The following SLC39A11 variants were observed in gnomAD, a reference collection of about 807,000 sequenced individuals.
SLC39A11 encodes zinc transporter ZIP11.
In SLC39A11, 33 loss-of-function variants were observed where a neutral mutation model predicts 36.1. The ratio of observed to expected loss-of-function variants is 0.91; its 90% CI spans 0.69 to 1.22. SLC39A11 has a LOEUF of 1.22. Ranked by LOEUF, SLC39A11 falls within the 50% of genes most tolerant of loss-of-function variation. SLC39A11 has a pLI of 0.00. For synonymous variants in SLC39A11, 166 were observed against 170.3 expected (o/e 0.97, Z 0.20); for missense variants, 432 against 430.3 (o/e 1.00, Z -0.03).
intron 3 of SLC39A11, among the ~76,000 whole-genome samples, chr17:73,032,195 C>T (rs1287406939): frequency 2.0e-5 from 3 of 150,442 alleles, no homozygotes; most frequent in Non-Finnish European, 4.4e-5. Flanking sequence ...AATGCTGTTG[C>T]GAATTCCTAT....
chr17:72,787,599 G>A (rs1011180392), intron 6 of SLC39A11, among the ~76,000 whole-genome samples: 1 of 152,062 alleles, frequency 6.6e-6, no homozygotes, highest in African/African-American at 2.4e-5. Context: ...AAATTACTGG[G>A]GTTCTACAGT....
At chr17:72,985,360 G>A (rs2088644752) in intron 4 of SLC39A11, among the ~76,000 whole-genome samples, 1 of 146,886 alleles carries the variant, frequency 6.8e-6, no homozygotes. Context: ...TTACCCACTT[G>A]TGACATTCAT....
rs1567955388 is a variant in SLC39A11 at position 72,920,658 on chromosome 17, A to AAT, written c.430+27093_430+27094insAT. Among the ~76,000 whole-genome samples the AAT allele has an allele frequency of 7.6e-4, 86 of 112,478 alleles. 3 individuals carry two copies. The highest frequency in any genetic ancestry group is 3.1e-3 in the African/African-American group (85 of 27,358). 73.8% of individuals were successfully genotyped at this position (112,478 alleles called of 152,430 possible). A position where few individuals can be genotyped will look rare whatever the true frequency, so the allele number is the denominator to read the frequency against. ...CCTCCTACCCCCTTACACCATGTAC[A>AAT]CCCTATACACAAACACACTTCTCAC... On this transcript the variant is annotated intron_variant, in intron 5 of 9. Coordinates refer to ENST00000255559, the MANE Select transcript of SLC39A11 (RefSeq NM_139177.4).
chr17:72,900,153 AAAAG>A (rs201428795), intron 5 of SLC39A11, among the ~76,000 whole-genome samples: 5,701 of 60,512 alleles, frequency 0.094, 307 homozygotes, highest in Non-Finnish European at 0.12. Flanking sequence ...AGAAAGAAAG[AAAAG>A]AAAGAAAGAA....
intron 6 of SLC39A11, among the ~76,000 whole-genome samples, chr17:72,790,242 G>A (rs1055488249): frequency 2.6e-5 from 4 of 152,130 alleles, no homozygotes; most frequent in African/African-American, 9.7e-5. Context: ...AGGCTGGGGG[G>A]TCATCCCAGG....
intron 4 of SLC39A11, among the ~76,000 whole-genome samples, chr17:73,026,532 AAAG>A (rs1177958666): frequency 7.1e-4 from 105 of 147,560 alleles, no homozygotes; most frequent in African/African-American, 2.5e-3. Context: ...AAAAAAAAAA[AAAG>A]AAAGAAAGAA....
chr17:72,736,027 G>C (rs1237779187), intron 7 of SLC39A11, among the ~76,000 whole-genome samples: 1 of 152,190 alleles, frequency 6.6e-6, no homozygotes, highest in Non-Finnish European at 1.5e-5. Flanking sequence ...AGCAGATGGA[G>C]AAATATAGGA....
intron 4 of SLC39A11, among the ~76,000 whole-genome samples, chr17:72,998,287 C>CTGT (rs57728841): frequency 3.9e-5 from 6 of 152,038 alleles, no homozygotes; most frequent in African/African-American, 7.3e-5. Flanking sequence ...GACCACTGTA[C>CTGT]TGTTCCTTTG....
chr17:73,038,721 A>C (rs931054040), intron 3 of SLC39A11, among the ~76,000 whole-genome samples: 2 of 136,174 alleles, frequency 1.5e-5, no homozygotes, highest in Non-Finnish European at 3.1e-5. Flanking sequence ...GAAAAAGAGA[A>C]AGAGAGAGAG....
intron 3 of SLC39A11, among the ~76,000 whole-genome samples, chr17:73,055,628 G>A (rs985125654): frequency 6.6e-5 from 10 of 151,838 alleles, no homozygotes; most frequent in Admixed American, 2.0e-4. Context: ...AGGGAAGGCG[G>A]GTAGGGGGCG....
intron 3 of SLC39A11, among the ~76,000 whole-genome samples, chr17:73,059,669 A>G (rs1175432484): frequency 1.4e-5 from 2 of 140,676 alleles, no homozygotes; most frequent in Non-Finnish European, 3.1e-5. Flanking sequence ...AAAAAAAAAA[A>G]CTGGAAATAA....
intron 6 of SLC39A11, among the ~76,000 whole-genome samples, chr17:72,822,450 TG>T (rs1240500904): frequency 6.6e-6 from 1 of 150,878 alleles, no homozygotes; most frequent in Admixed American, 6.6e-5. Flanking sequence ...AGACTCCATT[TG>T]TACTTTTGCT....
In SLC39A11 at chr17:73,008,435, C is replaced by T. The variant is rs141932683; in HGVS notation, c.306+23121G>A. 9.1e-4 allele frequency among the ~76,000 whole-genome samples: 139 copies of T among 152,294 alleles called. 1 individual carries two copies. Among genetic ancestry groups the T allele is most frequent in the African/African-American group, 3.2e-3 (133 of 41,558 alleles). On this transcript the variant is annotated intron_variant, in intron 4 of 9. Transcript: ENST00000255559. The stretch of plus-strand genomic sequence containing the variant: ...ACCAGGCCGCTCCCTCTGCCCGTGC[C>T]GACTGCCCAAGTGTCCTTCCAGCTC...
chr17:72,770,837 T>A (rs1428927927), intron 6 of SLC39A11, among the ~76,000 whole-genome samples: 5 of 152,220 alleles, frequency 3.3e-5, no homozygotes, highest in African/African-American at 1.2e-4. Context: ...CCCATGTTAG[T>A]CATTCAATAC....
intron 4 of SLC39A11, among the ~76,000 whole-genome samples, chr17:73,022,644 G>C (rs2058392356): frequency 7.1e-6 from 1 of 140,992 alleles, no homozygotes; most frequent in South Asian, 2.3e-4. Context: ...CACCATACTA[G>C]GAAATTGCCT....
chr17:72,752,709 G>T (rs1464134636), intron 6 of SLC39A11, among the ~76,000 whole-genome samples: 4 of 151,226 alleles, frequency 2.6e-5, no homozygotes, highest in African/African-American at 9.7e-5. Context: ...ATGTCTTGAG[G>T]GTATTGTTCC....
At chr17:72,691,349 G>A (rs1001330806) in intron 7 of SLC39A11, among the ~76,000 whole-genome samples, 7 of 151,794 alleles carry the variant, frequency 4.6e-5, no homozygotes, top group African/African-American at 9.7e-5. Flanking sequence ...GTGTAGACCC[G>A]GCCTTACCCT....
intron 4 of SLC39A11, among the ~76,000 whole-genome samples, chr17:73,023,783 C>A (rs1350252329): frequency 6.6e-6 from 1 of 152,200 alleles, no homozygotes; most frequent in East Asian, 1.9e-4. Flanking sequence ...GCCACCACAC[C>A]CGGTCCCAAA....
intron 5 of SLC39A11, among the ~76,000 whole-genome samples, chr17:72,916,358 C>T (rs967696298): frequency 3.3e-5 from 5 of 152,202 alleles, no homozygotes; most frequent in African/African-American, 1.2e-4. Context: ...CACACTGGCT[C>T]GGGCAGGCTC....
Sources: gnomAD v4.1 joint callset for allele counts (sites outside exome capture counted in the v4.1 genomes callset) on GRCh38, gnomAD v4.1.1 for gene constraint, MANE v1.5 for transcripts, NCBI Gene and HGNC (gene_info 2026-07-23, HGNC 2026-07-21) for gene names.